The following PCDH15 variants were observed in gnomAD, a reference collection of about 807,000 sequenced individuals.
PCDH15 encodes the protein protocadherin related 15.
PCDH15 carries 129 observed loss-of-function variants against 178.5 expected under a neutral mutation model. The observed-to-expected ratio is 0.72, with a 90% CI of 0.63 to 0.84. PCDH15 has a LOEUF of 0.84. PCDH15 is among the 40% of genes least tolerant of loss of function. The probability of loss-of-function intolerance (pLI) is 0.00; values close to 1 mark genes in which losing one functional copy is unlikely to be tolerated. For synonymous variants in PCDH15, 800 were observed against 732.0 expected (o/e 1.09, Z -1.50); for missense variants, 2,230 against 2,099.9 (o/e 1.06, Z -1.21).
chr10:54,329,728 A>G (rs1220635612), intron 6 of PCDH15, 22 bp from the exon 7 acceptor site: 2 of 1,400,930 alleles, frequency 1.4e-6, no homozygotes, highest in Non-Finnish European at 2.0e-6. Flanking sequence ...AAAGATACAG[A>G]CTTCAGATTA....
At chr10:54,716,111 G>A (rs2095476854) in intron 1 of PCDH15, among the ~76,000 whole-genome samples, 1 of 152,142 alleles carries the variant, frequency 6.6e-6, no homozygotes. Flanking sequence ...CCTTTTCAAA[G>A]CTGATGCATG....
chr10:54,686,573 T>G (rs931838953), intron 1 of PCDH15, among the ~76,000 whole-genome samples: 2 of 152,170 alleles, frequency 1.3e-5, no homozygotes, highest in African/African-American at 4.8e-5. Flanking sequence ...TAACCTATTT[T>G]GAATTTTTTG....
chr10:55,092,108 G>A (rs977443652), intron 2 of PCDH15, among the ~76,000 whole-genome samples: 4 of 151,798 alleles, frequency 2.6e-5, no homozygotes, highest in African/African-American at 9.7e-5. Flanking sequence ...AAAAGCTCAG[G>A]TACTAAAATT....
intron 3 of PCDH15, among the ~76,000 whole-genome samples, chr10:54,462,861 A>G (rs969185061): frequency 6.6e-6 from 1 of 150,694 alleles, no homozygotes; most frequent in Non-Finnish European, 1.5e-5. Context: ...TTATATATCA[A>G]CTGCTGGGTT....
chr10:54,284,750 C>A lies in PCDH15; in HGVS notation c.876+32521G>T, dbSNP rs146990901. Among the ~76,000 whole-genome samples, 483 of 152,284 alleles carry A rather than the reference C, an allele frequency of 3.2e-3. 6 individuals carry two copies. The highest frequency in any genetic ancestry group is 9.0e-3 in the African/African-American group (374 of 41,554). On this transcript the variant is annotated intron_variant, in intron 8 of 37. Transcript: ENST00000644397. ...TGCCATGCATAGCAACCGCAGCAGG[C>A]CTTCCTCATTCCAATGTAAATATTC...
chr10:54,852,114 A>G (rs2131767294), intron 3 of PCDH15, among the ~76,000 whole-genome samples: 1 of 152,324 alleles, frequency 6.6e-6, no homozygotes, highest in South Asian at 2.1e-4. Flanking sequence ...CAGATGTAGA[A>G]AAATGAGCAT....
intron 25 of PCDH15, among the ~76,000 whole-genome samples, chr10:53,923,699 A>G (rs1246392989): frequency 1.3e-5 from 2 of 152,190 alleles, no homozygotes; most frequent in East Asian, 3.9e-4. Flanking sequence ...CTATTATCCA[A>G]CATACTTTCT....
At chr10:54,667,747 A>T (rs377475886) in intron 1 of PCDH15, among the ~76,000 whole-genome samples, 81 of 152,230 alleles carry the variant, frequency 5.3e-4, no homozygotes, top group African/African-American at 1.8e-3. Flanking sequence ...TAAAAATCCA[A>T]AGCATGTTCA....
intron 2 of PCDH15, among the ~76,000 whole-genome samples, chr10:54,584,512 T>C (rs2091307642): frequency 6.6e-6 from 1 of 152,178 alleles, no homozygotes; most frequent in South Asian, 2.1e-4. Flanking sequence ...ACCATATTGA[T>C]AAAATTATCC....
At chr10:54,201,169 T>G in intron 10 of PCDH15, among the ~76,000 whole-genome samples, 1 of 152,160 alleles carries the variant, frequency 6.6e-6, no homozygotes, top group South Asian at 2.1e-4. Flanking sequence ...TGAAAACCAC[T>G]TTTTTGAAAA....
chr10:54,405,305 C>T lies in PCDH15; in HGVS notation c.158-26363G>A, dbSNP rs1156563027. ...AAGAAAATGTGGTACATAAACCAAACTTGGAATGCGGTACATTCCATGTGT... is the reference window on the plus strand; with the variant it reads ...AAGAAAATGTGGTACATAAACCAAATTTGGAATGCGGTACATTCCATGTGT... On this transcript the variant is annotated intron_variant, in intron 3 of 37. Transcript: ENST00000644397. 2.0e-5 allele frequency among the ~76,000 whole-genome samples: 3 copies of T among 151,962 alleles called. 1 individual carries two copies. The highest frequency in any genetic ancestry group is 4.4e-5 in the Non-Finnish European group (3 of 67,936).
chr10:54,976,992 TA>T (rs1236928454), intron 2 of PCDH15, among the ~76,000 whole-genome samples: 1 of 152,196 alleles, frequency 6.6e-6, no homozygotes, highest in Non-Finnish European at 1.5e-5. Context: ...CTCACAGTCA[TA>T]ATCTTTCAAA....
chr10:54,469,500 A>G (rs1417079488), intron 3 of PCDH15, among the ~76,000 whole-genome samples: 1 of 152,178 alleles, frequency 6.6e-6, no homozygotes, highest in East Asian at 1.9e-4. Context: ...GCTTAGTCAC[A>G]TATAATTCAC....
intron 2 of PCDH15, among the ~76,000 whole-genome samples, chr10:54,999,031 A>G (rs1839724268): frequency 6.6e-6 from 1 of 151,446 alleles, no homozygotes; most frequent in Non-Finnish European, 1.5e-5. Context: ...GTTTTTATGT[A>G]TATATGTATA....
intron 2 of PCDH15, among the ~76,000 whole-genome samples, chr10:55,401,972 T>C (rs903104561): frequency 6.6e-6 from 1 of 152,040 alleles, no homozygotes; most frequent in Non-Finnish European, 1.5e-5. Context: ...AGGAGTCCAC[T>C]GTCCACTGAA....
intron 26 of PCDH15, among the ~76,000 whole-genome samples, chr10:53,876,632 AAAAAG>A (rs1404443352): frequency 6.6e-6 from 1 of 152,138 alleles, no homozygotes; most frequent in African/African-American, 2.4e-5. Context: ...TGCAAAAAAA[AAAAAG>A]AAGAAACAAG....
chr10:55,626,323 C>T (rs776301940), intron 2 of PCDH15, among the ~76,000 whole-genome samples: 2 of 152,122 alleles, frequency 1.3e-5, no homozygotes, highest in African/African-American at 2.4e-5. Flanking sequence ...TTGCCTCCCA[C>T]TGCTTTATAG....
intron 6 of PCDH15, among the ~76,000 whole-genome samples, chr10:54,341,252 T>G (rs545444690): frequency 1.3e-5 from 2 of 152,106 alleles, no homozygotes; most frequent in Non-Finnish European, 2.9e-5. Flanking sequence ...CCCCATGTAT[T>G]GAGGGAGGGA....
chr10:55,188,928 A>T (rs1839871289), intron 1 of PCDH15, among the ~76,000 whole-genome samples: 1 of 151,978 alleles, frequency 6.6e-6, no homozygotes, highest in African/African-American at 2.4e-5. Context: ...CATGGAACTT[A>T]TCAGGGATAT....
Sources: gnomAD v4.1 joint callset for allele counts (sites outside exome capture counted in the v4.1 genomes callset) on GRCh38, gnomAD v4.1.1 for gene constraint, MANE v1.5 for transcripts, NCBI Gene and HGNC (gene_info 2026-07-23, HGNC 2026-07-21) for gene names.